Variants in ADAMTSL1 observed in about 807,000 individuals in gnomAD.
ADAMTSL1 encodes ADAMTS-like protein 1.
A neutral mutation model predicts 201.8 loss-of-function variants in ADAMTSL1; 126 were observed. The ratio of observed to expected loss-of-function variants is 0.62; its 90% CI spans 0.54 to 0.72. The LOEUF (loss-of-function observed/expected upper bound fraction) is 0.72. Ranked by LOEUF, ADAMTSL1 falls within the 30% of genes least tolerant of loss-of-function variation. ADAMTSL1 has a pLI of 0.00. For synonymous variants in ADAMTSL1, 1,121 were observed against 903.4 expected (o/e 1.24, Z -4.32); for missense variants, 2,679 against 2,277.8 (o/e 1.18, Z -3.59).
intron 1 of ADAMTSL1, among the ~76,000 whole-genome samples, chr9:17,937,872 T>G (rs534078844): frequency 2.6e-4 from 39 of 152,284 alleles, no homozygotes; most frequent in African/African-American, 9.4e-4. Flanking sequence ...GTTTTACAAT[T>G]CATGTTTGTT....
chr9:18,746,944 C>G (rs1819182183), intron 15 of ADAMTSL1, among the ~76,000 whole-genome samples: 1 of 152,120 alleles, frequency 6.6e-6, no homozygotes, highest in African/African-American at 2.4e-5. Flanking sequence ...CATTTGGCTG[C>G]CAAGTACACT....
intron 20 of ADAMTSL1, among the ~76,000 whole-genome samples, chr9:18,805,261 A>C (rs1405089500): frequency 6.6e-6 from 1 of 152,228 alleles, no homozygotes; most frequent in Admixed American, 6.5e-5. Context: ...TGTTGTATTT[A>C]AATTATTTCT....
chr9:18,679,825 C>T (rs1209811461), intron 10 of ADAMTSL1, among the ~76,000 whole-genome samples: 2 of 99,842 alleles, frequency 2.0e-5, no homozygotes, highest in Non-Finnish European at 4.5e-5. Flanking sequence ...TTATGAGCTT[C>T]TTCTATTAAA....
intron 1 of ADAMTSL1, among the ~76,000 whole-genome samples, chr9:18,503,929 C>G (rs938157595): frequency 1.3e-5 from 2 of 151,772 alleles, no homozygotes; most frequent in African/African-American, 2.4e-5. Context: ...GGCACTAGTT[C>G]TAGGTGGGCT....
chr9:18,887,712 C>T (rs1439806507), intron 23 of ADAMTSL1, 119 bp from the exon 24 acceptor site: 5 of 867,844 alleles, frequency 5.8e-6, no homozygotes, highest in South Asian at 1.7e-5. Flanking sequence ...AATAAAAATG[C>T]CACAGACAAG....
At chr9:18,471,343 A>G (rs1329299508), upstream of ADAMTSL1, among the ~76,000 whole-genome samples, 1 of 152,220 alleles carries the variant, frequency 6.6e-6, no homozygotes, top group Non-Finnish European at 1.5e-5. Context: ...CCGTGGCTCA[A>G]TGGCCAGTTC....
chr9:18,875,903 T>C (rs1010543256), intron 23 of ADAMTSL1, among the ~76,000 whole-genome samples: 8 of 152,140 alleles, frequency 5.3e-5, no homozygotes, highest in Admixed American at 3.3e-4. Context: ...CTGGTAATGA[T>C]TGTTTTATAA....
chr9:18,121,231 T>G (rs925345438), intron 1 of ADAMTSL1, among the ~76,000 whole-genome samples: 1 of 152,174 alleles, frequency 6.6e-6, no homozygotes. Context: ...TACAGACAGT[T>G]GTACATAAAG....
At chr9:18,657,879 A>C (rs1828802545) in intron 8 of ADAMTSL1, 129 bp downstream of exon 8, 1 of 723,210 alleles carries the variant, frequency 1.4e-6, no homozygotes, top group South Asian at 1.8e-5. Context: ...TCTTCTGAAC[A>C]GAGTGGAATC....
At chr9:18,755,212 G>A (rs1161346766) in intron 16 of ADAMTSL1, among the ~76,000 whole-genome samples, 3 of 152,146 alleles carry the variant, frequency 2.0e-5, no homozygotes, top group Non-Finnish European at 4.4e-5. Flanking sequence ...GATTGCTAGT[G>A]CATTTATACT....
intron 2 of ADAMTSL1, among the ~76,000 whole-genome samples, chr9:18,407,202 C>A (rs943611824): frequency 6.6e-5 from 10 of 151,726 alleles, no homozygotes; most frequent in African/African-American, 2.4e-4. Flanking sequence ...GCCTGGGGTT[C>A]TCACAAGAGC....
chr9:18,615,422 C>A (rs74476171), intron 4 of ADAMTSL1, among the ~76,000 whole-genome samples: 1 of 152,160 alleles, frequency 6.6e-6, no homozygotes, highest in Non-Finnish European at 1.5e-5. Flanking sequence ...ATGAAACCAT[C>A]GTTCATCCCT....
upstream of ADAMTSL1, among the ~76,000 whole-genome samples, chr9:18,471,437 C>T (rs1444172022): frequency 6.6e-6 from 1 of 152,090 alleles, no homozygotes; most frequent in Non-Finnish European, 1.5e-5. Flanking sequence ...TACTTAATTT[C>T]AAAAAGTAGT....
chr9:18,474,230 A>T lies in ADAMTSL1; in HGVS notation c.-3A>T, dbSNP rs770065912. ...CGATTCTGATTCCGGCAAGGATCCA[A>T]GCATGGAATGCTGCCGTCGGGCAAC... On this transcript the variant is annotated 5_prime_UTR_variant, in exon 1 of 29. In the 5' UTR this introduces an upstream ATG that the reference lacks. Transcript: ENST00000380548. The T allele has an allele frequency of 6.2e-7, 1 of 1,614,130 alleles. No individual in the cohort carries two copies. The highest frequency in any genetic ancestry group is 8.5e-7 in the Non-Finnish European group (1 of 1,179,992).
chr9:18,731,175 T>C (rs529054640), intron 15 of ADAMTSL1, among the ~76,000 whole-genome samples: 1 of 152,266 alleles, frequency 6.6e-6, no homozygotes, highest in African/African-American at 2.4e-5. Flanking sequence ...CAAAGCTAAA[T>C]ATTCCCCACC....
At chr9:18,631,688 G>C (rs1826787336) in intron 5 of ADAMTSL1, among the ~76,000 whole-genome samples, 2 of 152,014 alleles carry the variant, frequency 1.3e-5, no homozygotes, top group Non-Finnish European at 1.5e-5. Context: ...CATATGACAA[G>C]ATTTTAAAAT....
Position 18,793,613 on chromosome 9 carries a change from G to GT in ADAMTSL1, c.3678-1778dup, listed in dbSNP as rs762607406. ...ATGCTAGCATAATATTGGGTGAACA[G>GT]TTTTTTGAAGCTTTTGAAACTAGGG... On this transcript the variant is annotated intron_variant, in intron 19 of 28. Coordinates refer to ENST00000380548, the MANE Select transcript of ADAMTSL1 (RefSeq NM_001040272.6). 3.9e-5 allele frequency among the ~76,000 whole-genome samples: 6 copies of GT among 152,256 alleles called. 1 individual carries two copies. In the East Asian group the frequency reaches 9.6e-4, roughly 24 times the overall value.
At chr9:18,619,395 A>G (rs1273323580) in intron 4 of ADAMTSL1, among the ~76,000 whole-genome samples, 2 of 151,948 alleles carry the variant, frequency 1.3e-5, no homozygotes, top group Non-Finnish European at 2.9e-5. Context: ...AGAGGAATTG[A>G]TAACAGAGAA....
chr9:18,259,556 T>A (rs556341685), intron 2 of ADAMTSL1, among the ~76,000 whole-genome samples: 29 of 151,808 alleles, frequency 1.9e-4, no homozygotes, highest in Admixed American at 2.6e-4. Flanking sequence ...ATCACAAGCT[T>A]AATGTGCTCA....
Sources: gnomAD v4.1 joint callset for allele counts (sites outside exome capture counted in the v4.1 genomes callset) on GRCh38, gnomAD v4.1.1 for gene constraint, MANE v1.5 for transcripts, NCBI Gene and HGNC (gene_info 2026-07-23, HGNC 2026-07-21) for gene names.